Variants in FAM13A observed in about 807,000 individuals in gnomAD.
FAM13A encodes the protein family with sequence similarity 13 member A.
In FAM13A, 76 loss-of-function variants were observed where a neutral mutation model predicts 129.6. The observed-to-expected ratio is 0.59, with a 90% CI of 0.49 to 0.71. The LOEUF (loss-of-function observed/expected upper bound fraction) is 0.71, where lower values mean the gene tolerates loss of function less well. Ranked by LOEUF, FAM13A falls within the 30% of genes least tolerant of loss-of-function variation. The pLI is 0.00. For synonymous variants in FAM13A, 443 were observed against 449.9 expected, an observed-to-expected ratio of 0.98 and a Z score of 0.20; for missense variants, 1,108 against 1,249.3, an observed-to-expected ratio of 0.89 and a Z score of 1.70.
chr4:88,945,990 G>GTGTGTATATATATATATATATA, intron 4 of FAM13A, among the ~76,000 whole-genome samples: 33 of 61,882 alleles, frequency 5.3e-4, no homozygotes, highest in East Asian at 1.0e-3. Context: ...GTGTGTGTGT[G>GTGTGTATATATATATATATATA]TATATATATA....
intron 5 of FAM13A, among the ~76,000 whole-genome samples, chr4:88,920,013 C>T (rs1203642996): frequency 2.0e-5 from 3 of 152,324 alleles, no homozygotes; most frequent in Middle Eastern, 3.4e-3. Flanking sequence ...CCTGCCATTG[C>T]CCAGGCTTGC....
chr4:89,018,650 G>C (rs1766846925), intron 3 of FAM13A, among the ~76,000 whole-genome samples: 1 of 152,232 alleles, frequency 6.6e-6, no homozygotes, highest in Admixed American at 6.5e-5. Context: ...TATTTAAGCA[G>C]GAAATTCAGT....
intron 8 of FAM13A, among the ~76,000 whole-genome samples, chr4:88,802,292 A>G (rs949286982): frequency 1.3e-5 from 2 of 152,186 alleles, no homozygotes; most frequent in East Asian, 1.9e-4. Flanking sequence ...CGTCTGGGGA[A>G]CAATGACACC....
intron 5 of FAM13A, among the ~76,000 whole-genome samples, chr4:88,912,568 TACACAC>T (rs71594867): frequency 0.22 from 31,551 of 146,056 alleles, 3,766 homozygotes; most frequent in Middle Eastern, 0.36. Flanking sequence ...CACACATACA[TACACAC>T]ACACACACAC....
intron 3 of FAM13A, among the ~76,000 whole-genome samples, chr4:89,004,060 C>T (rs186919820): frequency 5.9e-5 from 9 of 151,944 alleles, no homozygotes; most frequent in African/African-American, 2.2e-4. Flanking sequence ...TGGCCTAAAG[C>T]AATCCTCCTA....
intron 4 of FAM13A, among the ~76,000 whole-genome samples, chr4:88,959,603 T>C (rs1758315230): frequency 6.6e-6 from 1 of 152,220 alleles, no homozygotes; most frequent in African/African-American, 2.4e-5. Flanking sequence ...CCATGCTTCC[T>C]ACAAAGGTTG....
At chr4:88,810,842 A>G (rs937880722) in intron 7 of FAM13A, among the ~76,000 whole-genome samples, 2 of 152,176 alleles carry the variant, frequency 1.3e-5, no homozygotes, top group African/African-American at 4.8e-5. Context: ...ATACATACAT[A>G]TAAATCAGAT....
At chr4:88,883,392 A>G (rs889715167) in intron 6 of FAM13A, among the ~76,000 whole-genome samples, 2 of 152,150 alleles carry the variant, frequency 1.3e-5, no homozygotes, top group African/African-American at 4.8e-5. Context: ...TGGAAATTTA[A>G]CAATCTGCTC....
intron 7 of FAM13A, among the ~76,000 whole-genome samples, chr4:88,818,888 C>G (rs1731341353): frequency 6.6e-6 from 1 of 152,146 alleles, no homozygotes; most frequent in Admixed American, 6.5e-5. Flanking sequence ...ACAAGCTGGC[C>G]CAACATTACC....
intron 10 of FAM13A, among the ~76,000 whole-genome samples, chr4:88,785,535 G>C (rs1338832782): frequency 1.3e-5 from 2 of 152,110 alleles, no homozygotes; most frequent in African/African-American, 4.8e-5. Context: ...GAATCAGCCT[G>C]CTGGAAAACT....
intron 6 of FAM13A, among the ~76,000 whole-genome samples, chr4:88,896,168 G>T (rs1458663304): frequency 6.6e-6 from 1 of 151,164 alleles, no homozygotes; most frequent in African/African-American, 2.4e-5. Context: ...ACTATAGCAA[G>T]AACAAAAAAC....
intron 14 of FAM13A, among the ~76,000 whole-genome samples, chr4:88,755,840 G>A (rs956189899): frequency 6.6e-6 from 1 of 152,094 alleles, no homozygotes; most frequent in African/African-American, 2.4e-5. Flanking sequence ...TTTGAAATGG[G>A]GTATTGTTAT....
At position 88,906,403 on chromosome 4, in the gene FAM13A, C is replaced by T. The variant is rs1748172908; in HGVS notation, c.819G>A (p.Met273Ile). 6.2e-7 allele frequency: 1 copy of T among 1,611,510 alleles called. No individual in the cohort carries two copies. Among genetic ancestry groups the T allele is most frequent in the Non-Finnish European group, 8.5e-7 (1 of 1,178,526 alleles). ...ILLTRGLERD[M>I]PKPPPKTKIP... is the part of the protein sequence containing the mutation. ...CCTTGGTTTTTGGAGGTGGTTTTGG[C>T]ATGTCTCTTTCTAAGCCTCTTGTTA... is the stretch of plus-strand genomic sequence containing the variant. The change falls in exon 6 of 24, where the codon ATG (methionine) becomes ATA (isoleucine). Residue 273 changes from methionine to isoleucine, a missense_variant. This residue lies in a region of FAM13A where 566 missense variants were observed against 595.7 expected (regional missense o/e 0.95). Transcript: ENST00000264344.
chr4:88,752,201 G>A (rs1417107239), intron 14 of FAM13A, among the ~76,000 whole-genome samples: 1 of 152,182 alleles, frequency 6.6e-6, no homozygotes, highest in Non-Finnish European at 1.5e-5. Flanking sequence ...AGCTGTCCAG[G>A]TGATGCTCAT....
At chr4:88,799,389 GAA>G (rs1258169881) in intron 8 of FAM13A, among the ~76,000 whole-genome samples, 1 of 152,094 alleles carries the variant, frequency 6.6e-6, no homozygotes, top group African/African-American at 2.4e-5. Context: ...TTTACCTGTG[GAA>G]ATGTAAAACG....
intron 4 of FAM13A, among the ~76,000 whole-genome samples, chr4:88,945,982 G>GTATA: frequency 8.1e-5 from 2 of 24,826 alleles, no homozygotes; most frequent in African/African-American, 4.8e-4. Flanking sequence ...GTGTGTGTGT[G>GTATA]TGTGTGTGTA....
At chr4:88,909,460 C>T (rs1561308135) in intron 5 of FAM13A, among the ~76,000 whole-genome samples, 1 of 151,766 alleles carries the variant, frequency 6.6e-6, no homozygotes, top group Non-Finnish European at 1.5e-5. Context: ...TGTGGAGTGA[C>T]TGCTAATGGG....
In FAM13A at chr4:88,775,760, T is replaced by C. The variant is rs560866223; in HGVS notation, c.1458+5405A>G. Among the ~76,000 whole-genome samples, 10 of 152,234 alleles carry C rather than the reference T, an allele frequency of 6.6e-5. No individual in the cohort carries two copies. In the South Asian group the frequency reaches 1.7e-3, roughly 25 times the overall value. On this transcript the variant is annotated intron_variant, in intron 11 of 23. Coordinates refer to ENST00000264344, the MANE Select transcript of FAM13A (RefSeq NM_014883.4). ...AGTACAGACTGTTCAACATGTGTGA[T>C]GGTAAAATGAAGAAAAGAGATTGGC...
intron 11 of FAM13A, among the ~76,000 whole-genome samples, chr4:88,776,633 C>T (rs574997751): frequency 6.6e-6 from 1 of 152,182 alleles, no homozygotes; most frequent in East Asian, 1.9e-4. Context: ...TTATAAATAG[C>T]CTTGTGGTGA....
Sources: gnomAD v4.1 joint callset for allele counts (sites outside exome capture counted in the v4.1 genomes callset) on GRCh38, gnomAD v4.1.1 for gene constraint, gnomAD v4.1.1 regional missense constraint, MANE v1.5 for transcripts, NCBI Gene and HGNC (gene_info 2026-07-23, HGNC 2026-07-21) for gene names.